The following CRISPLD2 variants were observed in gnomAD, a reference collection of about 807,000 sequenced individuals.
CRISPLD2 encodes the protein cysteine rich secretory protein LCCL domain containing 2, also known as cysteine-rich secretory protein LCCL domain-containing 2.
A neutral mutation model predicts 71.1 loss-of-function variants in CRISPLD2; 47 were observed. The observed-to-expected ratio is 0.66, with a 90% confidence interval of 0.52 to 0.84. CRISPLD2 has a LOEUF of 0.84. Ranked by LOEUF, CRISPLD2 falls within the 40% of genes least tolerant of loss-of-function variation. The pLI is 0.00. For missense variants in CRISPLD2, 830 were observed against 651.1 expected, an observed-to-expected ratio of 1.27 and a Z score of -2.99; for synonymous variants, 317 against 250.1, an observed-to-expected ratio of 1.27 and a Z score of -2.52.
At chr16:84,872,362 G>A (rs922026360) in intron 8 of CRISPLD2, 80 bp from the exon 9 acceptor site, 11 of 1,165,012 alleles carry the variant, frequency 9.4e-6, no homozygotes, top group Admixed American at 3.5e-5. Flanking sequence ...TAGAGCCATC[G>A]ATGAAAAAAA....
chr16:84,857,512 A>G (rs1184455134), intron 6 of CRISPLD2, among the ~76,000 whole-genome samples: 2 of 152,182 alleles, frequency 1.3e-5, no homozygotes, highest in Non-Finnish European at 1.5e-5. Context: ...CCCATGAATC[A>G]GTATATAATC....
intron 6 of CRISPLD2, among the ~76,000 whole-genome samples, chr16:84,860,879 A>G (rs114653604): frequency 6.6e-6 from 1 of 152,156 alleles, no homozygotes; most frequent in Non-Finnish European, 1.5e-5. Flanking sequence ...CTCACTCATG[A>G]TAATCTTAGC....
At chr16:84,867,061 G>A (rs1283254165) in intron 7 of CRISPLD2, 21 bp downstream of exon 7, 12 of 1,605,544 alleles carry the variant, frequency 7.5e-6, no homozygotes, top group South Asian at 3.3e-5. Context: ...GCCGTCCTCC[G>A]CCCCTCCTGC....
intron 6 of CRISPLD2, among the ~76,000 whole-genome samples, chr16:84,859,518 T>C (rs562790826): frequency 1.5e-4 from 23 of 152,296 alleles, no homozygotes; most frequent in Admixed American, 1.3e-3. Flanking sequence ...GTGGGGTCCT[T>C]CCTCAAGGGG....
intron 12 of CRISPLD2, among the ~76,000 whole-genome samples, chr16:84,878,050 AATAC>A (rs1376276548): frequency 2.3e-5 from 3 of 127,886 alleles, no homozygotes; most frequent in East Asian, 4.8e-4. Context: ...CTCTACTAAA[AATAC>A]AAAAAAAAAA....
At chr16:84,842,802 C>T (rs147517770) in intron 2 of CRISPLD2, among the ~76,000 whole-genome samples, 6 of 152,292 alleles carry the variant, frequency 3.9e-5, no homozygotes, top group South Asian at 2.1e-4. Context: ...ATTGAATCCG[C>T]GCATCCCTGG....
At chr16:84,892,188 C>A (rs2071668640) in intron 14 of CRISPLD2, among the ~76,000 whole-genome samples, 3 of 152,256 alleles carry the variant, frequency 2.0e-5, no homozygotes, top group African/African-American at 7.2e-5. Context: ...CAACAGTGTC[C>A]AGATCAACCC....
intron 5 of CRISPLD2, among the ~76,000 whole-genome samples, 158 bp downstream of exon 5, chr16:84,850,841 C>T (rs548549927): frequency 3.9e-5 from 6 of 152,126 alleles, no homozygotes; most frequent in African/African-American, 7.2e-5. Context: ...AATAGCTAAG[C>T]AGTGTCAACA....
rs2071820444 is a variant in CRISPLD2, at chr16:84,908,031, A to G, written c.*1389A>G. 6.6e-6 allele frequency: 1 copy of G among 152,224 alleles called. No homozygotes were observed. Among genetic ancestry groups the G allele is most frequent in the South Asian group, 2.1e-4 (1 of 4,830 alleles). The allele number at this position is 152,224 out of a possible 1,614,324, so 9.4% of individuals were successfully genotyped here. A position where few individuals can be genotyped will look rare whatever the true frequency, so the allele number is the denominator to read the frequency against. The stretch of plus-strand genomic sequence containing the variant: ...GATCACTTTGGTGAATGCTAGTTTC[A>G]AATTTGATTCAAAATATTTCTTAGG... On this transcript the variant is annotated 3_prime_UTR_variant, in exon 15 of 15. Coordinates refer to ENST00000262424, the MANE Select transcript of CRISPLD2 (RefSeq NM_031476.4).
At chr16:84,888,049 G>A (rs1000768991) in intron 13 of CRISPLD2, among the ~76,000 whole-genome samples, 3 of 152,224 alleles carry the variant, frequency 2.0e-5, no homozygotes, top group African/African-American at 4.8e-5. Flanking sequence ...GTGGCTTAAA[G>A]AAACCCAGGT....
intron 1 of CRISPLD2, among the ~76,000 whole-genome samples, chr16:84,832,628 A>T (rs777609637): frequency 6.6e-6 from 1 of 152,266 alleles, no homozygotes; most frequent in Non-Finnish European, 1.5e-5. Flanking sequence ...AATGAGCAGG[A>T]ATTCATCTCC....
At position 84,872,474 on chromosome 16, in the gene CRISPLD2, A is replaced by G; in HGVS notation, c.947A>G (p.Lys316Arg). 6.2e-7 allele frequency: 1 copy of G among 1,614,044 alleles called. No homozygotes were observed. Among genetic ancestry groups the G allele is most frequent in the Admixed American group, 1.7e-5 (1 of 60,006 alleles). ...TGCCCAGCAGGCTGCCTGAACCACA[A>G]GGCGAAGATCTTTGGAACTCTGTTC... ...YQCPAGCLNH[K>R]AKIFGTLFYE... Residue 316 changes from lysine to arginine, a missense_variant, in exon 9 of 15, where the codon AAG becomes AGG. Transcript: ENST00000262424.
Position 84,872,322 on chromosome 16 carries a change from A to C in CRISPLD2, c.915-120A>C, listed in dbSNP as rs76393375. The stretch of plus-strand genomic sequence containing the variant: ...GACTTGTCCAAAAACAATGGAATCC[A>C]CATGAATGAAGCTTTTCTATATTTA... On this transcript the variant is annotated intron_variant, in intron 8 of 14. Transcript: ENST00000262424. 1.5e-3 allele frequency: 1,239 copies of C among 843,418 alleles called. 15 individuals are homozygous for C. The East Asian group carries it at 0.028, about 19-fold the overall frequency. 52.2% of individuals were successfully genotyped at this position (843,418 alleles called of 1,614,324 possible).
In CRISPLD2 at chr16:84,849,400, G is replaced by A. The variant is rs1191362879; in HGVS notation, c.375G>A (p.Gly125=). 3 of 1,613,730 alleles carry A rather than the reference G, an allele frequency of 1.9e-6. No individual in the cohort carries two copies. The highest frequency in any genetic ancestry group is 2.5e-6 in the Non-Finnish European group (3 of 1,179,698). ...GAHWGRYRSP[G]FHVQSWYDEV... ...TGCCCTGCAGGTATCGCTCTCCGGG[G>A]TTCCATGTGCAGTCCTGGTATGACG... The change falls in exon 4 of 15, where the codon GGG becomes GGA. Residue 125 remains glycine, a synonymous_variant. Coordinates refer to ENST00000262424, the MANE Select transcript of CRISPLD2 (RefSeq NM_031476.4).
chr16:84,849,953 T>G (rs570266949), intron 4 of CRISPLD2, among the ~76,000 whole-genome samples: 1 of 151,546 alleles, frequency 6.6e-6, no homozygotes, highest in Non-Finnish European at 1.5e-5. Context: ...CGCAAACTCC[T>G]GGGCTCATGC....
intron 14 of CRISPLD2, among the ~76,000 whole-genome samples, chr16:84,895,508 C>G (rs548307720): frequency 1.3e-5 from 2 of 152,330 alleles, no homozygotes; most frequent in African/African-American, 2.4e-5. Context: ...TGATTTATAA[C>G]TTTTCTTGAC....
At position 84,836,690 on chromosome 16, in the gene CRISPLD2, C is replaced by G. The variant is rs115264195; in HGVS notation, c.-74-1732C>G. Among the ~76,000 whole-genome samples the G allele has an allele frequency of 4.5e-3, 691 of 152,290 alleles. 4 individuals carry two copies. The highest frequency in any genetic ancestry group is 0.016 in the African/African-American group (655 of 41,562). On this transcript the variant is annotated intron_variant, in intron 1 of 14. Transcript: ENST00000262424. ...TGCTTCCTGGGATGCCCGTCTTGGC[C>G]TCTATCCCCTCCAGGCCTTGATCTA...
At chr16:84,900,525 ACATCACACAGCGCTGGGAGG>A (rs56233118) in intron 14 of CRISPLD2, among the ~76,000 whole-genome samples, 121,109 of 150,830 alleles carry the variant, frequency 0.8, 49,000 homozygotes, top group East Asian at 0.96. Flanking sequence ...CAAAAGCAAG[ACATCACACAGCGCTGGGAGG>A]CATCACACAG....
intron 8 of CRISPLD2, among the ~76,000 whole-genome samples, chr16:84,871,074 A>G (rs2071464662): frequency 6.6e-6 from 1 of 150,442 alleles, no homozygotes; most frequent in South Asian, 2.1e-4. Flanking sequence ...AAAAAATGAT[A>G]AATAAATAGT....
Sources: allele counts gnomAD v4.1 joint callset (sites outside exome capture counted in the v4.1 genomes callset), GRCh38; gene constraint gnomAD v4.1.1; transcripts MANE v1.5; gene names NCBI Gene and HGNC (gene_info 2026-07-23, HGNC 2026-07-21).